PRDM10: variants seen among roughly 807,000 people sequenced by gnomAD.
The protein encoded by PRDM10 is PR/SET domain 10, also known as PR domain zinc finger protein 10.
In PRDM10, 65 loss-of-function variants were observed where a neutral mutation model predicts 133.1. That is an observed-to-expected ratio of 0.49 (90% CI 0.40 to 0.60). The LOEUF is 0.60. Ranked by LOEUF, PRDM10 falls within the 20% of genes least tolerant of loss-of-function variation. The pLI, the probability that PRDM10 is intolerant of heterozygous loss-of-function variation, is 0.00. For synonymous variants in PRDM10, 582 were observed against 580.4 expected (o/e 1.00, Z -0.04); for missense variants, 1,137 against 1,507.1 (o/e 0.75, Z 4.07).
chr11:129,918,482 C>T lies in PRDM10; in HGVS notation c.2214+57G>A, dbSNP rs1238930729. On this transcript the variant is annotated intron_variant, in intron 14 of 20. Transcript: ENST00000360871. The surrounding 1 kb of genome is among the most constrained non-coding windows in gnomAD (Gnocchi z 5.3). ...AATGCAACACAAACGTCACCATCATCGACAGCAATGAGGTATGCTGGGAAG... is the reference window on the plus strand; with the variant it reads ...AATGCAACACAAACGTCACCATCATTGACAGCAATGAGGTATGCTGGGAAG... 6.5e-6 allele frequency: 10 copies of T among 1,549,262 alleles called. No homozygotes were observed. Among genetic ancestry groups the T allele is most frequent in the Middle Eastern group, 1.9e-4 (1 of 5,352 alleles).
In PRDM10 at chr11:129,917,172, G is replaced by A. The variant is rs779366276; in HGVS notation, c.2280C>T (p.Pro760=). ...KIEEVPELTL[P]IIKPNRDYFC... is the part of the protein sequence containing the mutation. Reference sequence around the variant, plus strand: ...AGTAATCACGATTGGGTTTTATGATGGGTAGAGTTAACTCTGGCACCTCTT... The same window carrying A: ...AGTAATCACGATTGGGTTTTATGATAGGTAGAGTTAACTCTGGCACCTCTT... The change falls in exon 15 of 21, where the codon CCC becomes CCT. Residue 760 remains proline, a synonymous_variant. Coordinates refer to ENST00000360871, the MANE Select transcript of PRDM10 (RefSeq NM_199437.2). 45 of 1,613,514 alleles carry A rather than the reference G, an allele frequency of 2.8e-5. No individual in the cohort carries two copies. Among genetic ancestry groups the A allele is most frequent in the Non-Finnish European group, 3.4e-5 (40 of 1,179,614 alleles).
At position 129,945,645 on chromosome 11, in the gene PRDM10, G is replaced by A. The variant is rs1951381992; in HGVS notation, c.521-633C>T. On this transcript the variant is annotated intron_variant, in intron 5 of 20. Coordinates refer to ENST00000360871, the MANE Select transcript of PRDM10 (RefSeq NM_199437.2). The surrounding 1 kb of genome is among the most constrained non-coding windows in gnomAD (Gnocchi z 4.2). The stretch of plus-strand genomic sequence containing the variant: ...TTTCCGCCCATTCCAAGAGCACTCG[G>A]TTTGCACCAGTCCGGCCACACGCCC... 6.6e-6 allele frequency among the ~76,000 whole-genome samples: 1 copy of A among 152,102 alleles called. No homozygotes were observed. Among genetic ancestry groups the A allele is most frequent in the African/African-American group, 2.4e-5 (1 of 41,424 alleles).
intron 4 of PRDM10, among the ~76,000 whole-genome samples, chr11:129,949,194 T>C (rs1055736500): frequency 4.6e-5 from 7 of 152,198 alleles, no homozygotes; most frequent in Non-Finnish European, 1.0e-4. Flanking sequence ...CTCAGGGAAA[T>C]AGACTATGGG....
chr11:129,952,519 C>T (rs1951605201), intron 4 of PRDM10, among the ~76,000 whole-genome samples: 1 of 152,140 alleles, frequency 6.6e-6, no homozygotes, highest in African/African-American at 2.4e-5. Flanking sequence ...ATTATCAATT[C>T]ATGGCCAATC....
chr11:129,905,220 G>T (rs1386224269), intron 20 of PRDM10, among the ~76,000 whole-genome samples: 2 of 152,030 alleles, frequency 1.3e-5, no homozygotes, highest in Non-Finnish European at 2.9e-5. Flanking sequence ...AAATCAGTTG[G>T]GTGTGGTGGT....
intron 10 of PRDM10, 47 bp from the exon 11 acceptor site, chr11:129,931,305 G>A (rs1313447344): frequency 1.6e-5 from 25 of 1,565,234 alleles, no homozygotes; most frequent in Non-Finnish European, 2.0e-5. Context: ...CGGAGGGACT[G>A]TCAGCTCAGA....
At chr11:129,990,194 A>T (rs991129782) in intron 1 of PRDM10, among the ~76,000 whole-genome samples, 1 of 151,890 alleles carries the variant, frequency 6.6e-6, no homozygotes, top group African/African-American at 2.4e-5. Flanking sequence ...AAATCCAAAA[A>T]ATTAGCCAGG....
intron 1 of PRDM10, among the ~76,000 whole-genome samples, chr11:129,974,028 C>G (rs2135953649): frequency 6.6e-6 from 1 of 152,356 alleles, no homozygotes; most frequent in Middle Eastern, 3.4e-3. Context: ...GCCACCCAGC[C>G]CGGCTTCCAG....
chr11:129,964,752 C>A (rs897375430), intron 1 of PRDM10, among the ~76,000 whole-genome samples: 1 of 152,124 alleles, frequency 6.6e-6, no homozygotes, highest in South Asian at 2.1e-4. Context: ...ACATACATTG[C>A]TTTACAATGT....
rs1949847295 is a variant in PRDM10 at position 129,901,654 on chromosome 11, A to G, written c.*659T>C. The G allele has an allele frequency of 6.6e-6, 1 of 152,198 alleles. No individual in the cohort carries two copies. Among genetic ancestry groups the G allele is most frequent in the Non-Finnish European group, 1.5e-5 (1 of 68,028 alleles). The allele number at this position is 152,198 out of a possible 1,614,324, so 9.4% of individuals were successfully genotyped here. A position where few individuals can be genotyped will look rare whatever the true frequency, so the allele number is the denominator to read the frequency against. ...TATCAGAACATGAGCTTCTGACCTA[A>G]TCCACTGAGGACCAGCATCTGTGGA... On this transcript the variant is annotated 3_prime_UTR_variant, in exon 21 of 21. Coordinates refer to ENST00000360871, the MANE Select transcript of PRDM10 (RefSeq NM_199437.2).
chr11:129,983,175 G>A (rs933353230), intron 1 of PRDM10, among the ~76,000 whole-genome samples: 29 of 151,262 alleles, frequency 1.9e-4, no homozygotes, highest in African/African-American at 5.6e-4. Context: ...ACAAGTTTTC[G>A]CCATGTTGGC....
intron 1 of PRDM10, among the ~76,000 whole-genome samples, chr11:129,972,339 AGAGC>A (rs1952050639): frequency 6.6e-6 from 1 of 152,250 alleles, no homozygotes; most frequent in African/African-American, 2.4e-5. Flanking sequence ...GGAGGTGCCG[AGAGC>A]GAGCGAGGGC....
At chr11:129,999,810 C>T (rs933968246) in intron 1 of PRDM10, among the ~76,000 whole-genome samples, 3 of 152,098 alleles carry the variant, frequency 2.0e-5, no homozygotes, top group African/African-American at 7.2e-5. Flanking sequence ...TTTAGTTCGG[C>T]GGACTTCATG....
rs1200350955 is a variant in PRDM10 at position 129,932,395 on chromosome 11, C to G, written c.1158-164G>C. Reference sequence around the variant, plus strand: ...CAACTGTTTTACTAATATACACTTTCTGAATGTCTCATCCTTCCCCTCTAT... The same window carrying G: ...CAACTGTTTTACTAATATACACTTTGTGAATGTCTCATCCTTCCCCTCTAT... On this transcript the variant is annotated intron_variant, in intron 9 of 20. Coordinates refer to ENST00000360871, the MANE Select transcript of PRDM10 (RefSeq NM_199437.2). Among the ~76,000 whole-genome samples, 7 of 152,336 alleles carry G rather than the reference C, an allele frequency of 4.6e-5. No homozygotes were observed. The East Asian group carries it at 1.2e-3, about 25-fold the overall frequency.
At chr11:130,000,562 AAT>A (rs1939295754) in intron 1 of PRDM10, among the ~76,000 whole-genome samples, 3 of 152,200 alleles carry the variant, frequency 2.0e-5, no homozygotes, top group African/African-American at 2.4e-5. Context: ...ATTGACATAC[AAT>A]ATATGATTAA....
chr11:129,984,077 C>T (rs987066626), intron 1 of PRDM10, among the ~76,000 whole-genome samples: 2 of 152,174 alleles, frequency 1.3e-5, no homozygotes, highest in African/African-American at 2.4e-5. Flanking sequence ...CCTCCTCTTT[C>T]CCCCTAGGCT....
Position 129,947,533 on chromosome 11 carries a change from G to A in PRDM10, c.295-163C>T. On this transcript the variant is annotated intron_variant, in intron 4 of 20. Coordinates refer to ENST00000360871, the MANE Select transcript of PRDM10 (RefSeq NM_199437.2). This position sits in a 1 kb window ranked among gnomAD's most constrained non-coding sequence, Gnocchi z 4.6. ...ATGACTTCCATCTACCGGCTGTGAGGAAGAGCTGGCTTCATTTTTGATCTG... is the reference window on the plus strand; with the variant it reads ...ATGACTTCCATCTACCGGCTGTGAGAAAGAGCTGGCTTCATTTTTGATCTG... 2.7e-6 allele frequency: 4 copies of A among 1,485,638 alleles called. No homozygotes were observed. The highest frequency in any genetic ancestry group is 3.6e-6 in the Non-Finnish European group (4 of 1,121,952). 92.0% of individuals were successfully genotyped at this position (1,485,638 alleles called of 1,614,324 possible). A position where few individuals can be genotyped will look rare whatever the true frequency, so the allele number is the denominator to read the frequency against.
At chr11:129,966,132 T>C (rs1416843099) in intron 1 of PRDM10, among the ~76,000 whole-genome samples, 4 of 152,032 alleles carry the variant, frequency 2.6e-5, no homozygotes, top group Non-Finnish European at 5.9e-5. Flanking sequence ...TAGTCCCAGC[T>C]GCTCGGGAGG....
At chr11:129,959,002 C>T (rs938256222) in intron 2 of PRDM10, among the ~76,000 whole-genome samples, 4 of 152,278 alleles carry the variant, frequency 2.6e-5, no homozygotes, top group South Asian at 2.1e-4. Flanking sequence ...AAGCAGATGG[C>T]CCAAGAACAC....
Sources: allele counts gnomAD v4.1 joint callset (sites outside exome capture counted in the v4.1 genomes callset), GRCh38; gene constraint gnomAD v4.1.1; non-coding constraint Gnocchi (gnomAD v3.1); transcripts MANE v1.5; gene names NCBI Gene and HGNC (gene_info 2026-07-23, HGNC 2026-07-21).